Variants in DYNC2H1 observed in about 807,000 individuals in gnomAD.
DYNC2H1 encodes the protein dynein cytoplasmic 2 heavy chain 1.
Under a neutral mutation model 570.0 loss-of-function variants are expected in DYNC2H1, and 410 were observed. That is an observed-to-expected ratio of 0.72 (90% confidence interval 0.66 to 0.78). The LOEUF is 0.78. Among genes scored for constraint, DYNC2H1 ranks in the 30% least tolerant of loss-of-function variants. DYNC2H1 has a pLI of 0.00. For synonymous variants in DYNC2H1, 1,688 were observed against 1,677.6 expected, an observed-to-expected ratio of 1.01 and a Z score of -0.15; for missense variants, 4,865 against 5,046.4, an observed-to-expected ratio of 0.96 and a Z score of 1.09.
At chr11:103,336,696 A>C (rs190037845) in intron 82 of DYNC2H1, among the ~76,000 whole-genome samples, 1 of 152,048 alleles carries the variant, frequency 6.6e-6, no homozygotes, top group African/African-American at 2.4e-5. Context: ...TTTTTTCTTT[A>C]TCCATTCATC....
chr11:103,197,865 G>T (rs1862562000), intron 47 of DYNC2H1, 68 bp from the exon 48 acceptor site: 9 of 1,474,946 alleles, frequency 6.1e-6, no homozygotes, highest in Non-Finnish European at 8.2e-6. Flanking sequence ...GTTTTAGTAG[G>T]CAATGTATTT....
At chr11:103,350,321 G>GT (rs1939984989) in intron 82 of DYNC2H1, among the ~76,000 whole-genome samples, 1 of 136,810 alleles carries the variant, frequency 7.3e-6, no homozygotes, top group Admixed American at 7.0e-5. Context: ...ATTATAAATT[G>GT]TTTTTTTCTG....
At position 103,201,543 on chromosome 11, in the gene DYNC2H1, A is replaced by C. The variant is rs1197951361; in HGVS notation, c.8197+1389A>C. On this transcript the variant is annotated intron_variant, in intron 50 of 88. Coordinates refer to ENST00000375735, the MANE Select transcript of DYNC2H1 (RefSeq NM_001377.3). This position sits in a 1 kb window ranked among gnomAD's most constrained non-coding sequence, Gnocchi z 4.8. ...AACGAATTCTTTGCTACTACCCTAAATCCATTGAATTAAAATCTCTGGGGT... is the reference window on the plus strand; with the variant it reads ...AACGAATTCTTTGCTACTACCCTAACTCCATTGAATTAAAATCTCTGGGGT... 6.6e-6 allele frequency among the ~76,000 whole-genome samples: 1 copy of C among 152,130 alleles called. No homozygotes were observed. Among genetic ancestry groups the C allele is most frequent in the Non-Finnish European group, 1.5e-5 (1 of 68,018 alleles).
intron 84 of DYNC2H1, among the ~76,000 whole-genome samples, chr11:103,420,873 A>G (rs1210944481): frequency 6.6e-6 from 1 of 152,210 alleles, no homozygotes; most frequent in Non-Finnish European, 1.5e-5. Flanking sequence ...AGTCACACAT[A>G]ACAGTACTAA....
At chr11:103,222,401 CT>C (rs967121498) in intron 58 of DYNC2H1, among the ~76,000 whole-genome samples, 37 of 150,794 alleles carry the variant, frequency 2.5e-4, no homozygotes, top group Non-Finnish European at 2.5e-4. Flanking sequence ...ATGTTCTCAG[CT>C]TTTTTTTTAA....
intron 75 of DYNC2H1, among the ~76,000 whole-genome samples, chr11:103,287,951 T>A (rs1866416774): frequency 6.6e-6 from 1 of 151,808 alleles, no homozygotes; most frequent in African/African-American, 2.4e-5. Context: ...GCATTGGGGG[T>A]TACTATTTAA....
chr11:103,358,259 G>T lies in DYNC2H1; in HGVS notation c.12056G>T (p.Arg4019Met). The T allele has an allele frequency of 6.3e-7, 1 of 1,577,098 alleles. No individual in the cohort carries two copies. ...TTTATTCAGGTTATTTCACAGTTGA[G>T]GATTTTGGGCAGATCCATAACAGCT... ...MISSQVISQL[R>M]ILGRSITAGS... The change falls in exon 83 of 89, where the codon AGG (arginine) becomes ATG (methionine). Residue 4019 changes from arginine to methionine, a missense_variant. This residue lies in a region of DYNC2H1 where 2,401 missense variants were observed against 2,454.6 expected (regional missense o/e 0.98). Transcript: ENST00000375735.
At chr11:103,154,123 C>T (rs1860696371) in intron 22 of DYNC2H1, among the ~76,000 whole-genome samples, 1 of 151,672 alleles carries the variant, frequency 6.6e-6, no homozygotes, top group African/African-American at 2.4e-5. Flanking sequence ...TTTATACAAT[C>T]TTGAATATTT....
At chr11:103,462,500 G>A (rs1041050053) in intron 87 of DYNC2H1, among the ~76,000 whole-genome samples, 2 of 152,050 alleles carry the variant, frequency 1.3e-5, no homozygotes, top group Non-Finnish European at 2.9e-5. Context: ...ATAGATCATT[G>A]CTTGGATAAC....
chr11:103,160,299 T>C (rs1232054461), intron 28 of DYNC2H1, among the ~76,000 whole-genome samples: 4 of 152,110 alleles, frequency 2.6e-5, no homozygotes, highest in African/African-American at 9.6e-5. Flanking sequence ...GGAAGTCTTA[T>C]TTGCCTTCAA....
chr11:103,191,679 ATTGTAT>A, intron 46 of DYNC2H1, 60 bp downstream of exon 46: 2 of 999,800 alleles, frequency 2.0e-6, no homozygotes, highest in Non-Finnish European at 2.8e-6. Flanking sequence ...TATTCTCTAG[ATTGTAT>A]TTGTAATAGA....
intron 70 of DYNC2H1, among the ~76,000 whole-genome samples, chr11:103,272,779 GTGTATGGGATTTAA>G (rs1456398419): frequency 1.1e-4 from 17 of 151,998 alleles, no homozygotes; most frequent in Non-Finnish European, 8.8e-5. Flanking sequence ...ATTTACTAGA[GTGTATGGGATTTAA>G]TGTATGGGAG....
rs1565361700 is a variant in DYNC2H1, at chr11:103,168,948, T to C, written c.4956T>C (p.Thr1652=). 6.2e-7 allele frequency: 1 copy of C among 1,610,212 alleles called. No individual in the cohort carries two copies. Among genetic ancestry groups the C allele is most frequent in the East Asian group, 2.2e-5 (1 of 44,644 alleles). ...TGGTGGATTCTGAATTTCAGTATAC[T>C]TATGAATATCAGGTATGAGTTGTGG... The part of the protein sequence containing the change: ...VQMVDSEFQY[T]YEYQGNASKL... Residue 1652 remains threonine, a synonymous_variant, in exon 32 of 89, where the codon ACT becomes ACC. Coordinates refer to ENST00000375735, the MANE Select transcript of DYNC2H1 (RefSeq NM_001377.3).
At chr11:103,166,990 C>CTTTTTTTTTTTT (rs34816989) in intron 31 of DYNC2H1, among the ~76,000 whole-genome samples, 21 of 56,980 alleles carry the variant, frequency 3.7e-4, no homozygotes, top group East Asian at 1.3e-3. Context: ...GAGGCGCTGC[C>CTTTTTTTTTTTT]TTTTTTTTTT....
chr11:103,358,248 T>C lies in DYNC2H1; in HGVS notation c.12045T>C (p.Ile4015=). ...SSQRMISSQV[I]SQLRILGRSI... ...CTTATTATTTTTTTATTCAGGTTAT[T>C]TCACAGTTGAGGATTTTGGGCAGAT... The change falls in exon 83 of 89, where the codon ATT becomes ATC. Residue 4015 remains isoleucine (I), a synonymous_variant. Transcript: ENST00000375735. 6.4e-7 allele frequency: 1 copy of C among 1,559,070 alleles called. No individual in the cohort carries two copies. The highest frequency in any genetic ancestry group is 8.7e-7 in the Non-Finnish European group (1 of 1,147,382).
chr11:103,345,545 G>C (rs571135372), intron 82 of DYNC2H1, among the ~76,000 whole-genome samples: 57 of 152,258 alleles, frequency 3.7e-4, no homozygotes, highest in African/African-American at 1.3e-3. Flanking sequence ...TTGTGATCTT[G>C]ATTCACATTT....
chr11:103,273,441 T>G (rs1055532748), intron 70 of DYNC2H1, among the ~76,000 whole-genome samples: 7 of 152,116 alleles, frequency 4.6e-5, no homozygotes, highest in African/African-American at 1.7e-4. Context: ...TGCCCGCCTC[T>G]CCCTCCCAGG....
At chr11:103,333,353 T>C (rs1369528739) in intron 82 of DYNC2H1, among the ~76,000 whole-genome samples, 1 of 152,128 alleles carries the variant, frequency 6.6e-6, no homozygotes, top group Non-Finnish European at 1.5e-5. Flanking sequence ...AAGCTCCGCC[T>C]CCCGGGTTCA....
At chr11:103,258,230 A>G (rs1318701260) in intron 69 of DYNC2H1, among the ~76,000 whole-genome samples, 1 of 152,228 alleles carries the variant, frequency 6.6e-6, no homozygotes, top group Non-Finnish European at 1.5e-5. Context: ...TAACTAAAAG[A>G]TACAATACTG....
Sources: allele counts gnomAD v4.1 joint callset (sites outside exome capture counted in the v4.1 genomes callset), GRCh38; gene constraint gnomAD v4.1.1; regional missense constraint gnomAD v4.1.1; non-coding constraint Gnocchi (gnomAD v3.1); transcripts MANE v1.5; gene names NCBI Gene and HGNC (gene_info 2026-07-23, HGNC 2026-07-21).